PTPRJ: variants seen among roughly 807,000 people sequenced by gnomAD.
PTPRJ encodes protein tyrosine phosphatase receptor type J.
PTPRJ carries 129 observed loss-of-function variants against 141.3 expected under a neutral mutation model. The observed-to-expected ratio is 0.91, with a 90% CI of 0.79 to 1.06. PTPRJ has a LOEUF of 1.06. Among genes scored for constraint, PTPRJ ranks in the 50% least tolerant of loss-of-function variants. The pLI is 0.00. For synonymous variants in PTPRJ, 610 were observed against 640.5 expected, an observed-to-expected ratio of 0.95 and a Z score of 0.72; for missense variants, 1,601 against 1,679.7, an observed-to-expected ratio of 0.95 and a Z score of 0.82.
Position 47,997,874 on chromosome 11 carries a change from A to G in PTPRJ, c.96+16866A>G, listed in dbSNP as rs541182268. On this transcript the variant is annotated intron_variant, in intron 1 of 24. Transcript: ENST00000418331. ...GAGGCCTCAGGGTGTAAAGCGAGAG[A>G]GAGAATGCCTTCCAGCCAGCGAGAG... 1.8e-4 allele frequency among the ~76,000 whole-genome samples: 28 copies of G among 152,126 alleles called. No homozygotes were observed. In the South Asian group the frequency reaches 5.8e-3, roughly 32 times the overall value.
At chr11:48,122,299 G>A (rs1484850757) in intron 4 of PTPRJ, among the ~76,000 whole-genome samples, 3 of 152,170 alleles carry the variant, frequency 2.0e-5, no homozygotes, top group Non-Finnish European at 4.4e-5. Flanking sequence ...ATAGAACTTG[G>A]AAATGGTCAT....
chr11:48,145,081 C>T lies in PTPRJ; in HGVS notation c.2868C>T (p.Ser956=). 6.2e-7 allele frequency: 1 copy of T among 1,614,202 alleles called. No individual in the cohort carries two copies. Among genetic ancestry groups the T allele is most frequent in the Non-Finnish European group, 8.5e-7 (1 of 1,180,026 alleles). Residue 956 remains serine (S), a synonymous_variant, in exon 14 of 25, where the codon TCC becomes TCT. Coordinates refer to ENST00000418331, the MANE Select transcript of PTPRJ (RefSeq NM_002843.4). The stretch of plus-strand genomic sequence containing the variant: ...TTGATGGGGCTGAGAGCTATGTGTC[C>T]TTCAGTCGCTACTCAGATGCTGTTT... The part of the protein sequence containing the change: ...GLIDGAESYV[S]FSRYSDAVSL...
intron 1 of PTPRJ, among the ~76,000 whole-genome samples, chr11:48,021,573 T>G (rs1855125967): frequency 6.6e-6 from 1 of 151,986 alleles, no homozygotes; most frequent in African/African-American, 2.4e-5. Flanking sequence ...GAGAATGGGT[T>G]GTAAAATTTC....
chr11:48,127,271 T>C (rs1354235952), intron 6 of PTPRJ, among the ~76,000 whole-genome samples: 1 of 152,204 alleles, frequency 6.6e-6, no homozygotes, highest in Admixed American at 6.5e-5. Context: ...GGTTATCTTT[T>C]CTTGAGGTTA....
chr11:48,110,463 C>G (rs1213906579), intron 2 of PTPRJ, among the ~76,000 whole-genome samples: 1 of 152,056 alleles, frequency 6.6e-6, no homozygotes, highest in Non-Finnish European at 1.5e-5. Context: ...CCTCCCAAAG[C>G]GCTGGGATTA....
intron 1 of PTPRJ, among the ~76,000 whole-genome samples, chr11:48,059,190 T>C (rs1217851344): frequency 1.4e-5 from 2 of 143,478 alleles, no homozygotes; most frequent in Non-Finnish European, 3.0e-5. Flanking sequence ...TGGCGTGATC[T>C]CAGCTCACTG....
At chr11:48,026,214 C>T (rs1590414517) in intron 1 of PTPRJ, among the ~76,000 whole-genome samples, 1 of 152,276 alleles carries the variant, frequency 6.6e-6, no homozygotes, top group East Asian at 1.9e-4. Flanking sequence ...CTCAGGGCAA[C>T]AGTCAACAGA....
At chr11:48,076,011 C>T (rs1011166085) in intron 1 of PTPRJ, among the ~76,000 whole-genome samples, 1 of 152,160 alleles carries the variant, frequency 6.6e-6, no homozygotes, top group African/African-American at 2.4e-5. Context: ...TTCATGAAGC[C>T]TCTCATGGTC....
At chr11:48,119,344 A>G (rs1463022805) in intron 3 of PTPRJ, among the ~76,000 whole-genome samples, 2 of 152,208 alleles carry the variant, frequency 1.3e-5, no homozygotes, top group Non-Finnish European at 2.9e-5. Flanking sequence ...GTGGGGCACA[A>G]GATGCTTCCC....
chr11:48,055,263 G>A (rs1854723121), intron 1 of PTPRJ, among the ~76,000 whole-genome samples: 1 of 152,146 alleles, frequency 6.6e-6, no homozygotes, highest in South Asian at 2.1e-4. Context: ...ACCCTCCAAA[G>A]TGGCCAGGAC....
chr11:47,985,822 T>C (rs1057446892), intron 1 of PTPRJ, among the ~76,000 whole-genome samples: 3 of 152,160 alleles, frequency 2.0e-5, no homozygotes, highest in Non-Finnish European at 4.4e-5. Context: ...TGCCTCAGCC[T>C]GCTGAGTAGC....
At chr11:48,002,859 C>A (rs1458405623) in intron 1 of PTPRJ, among the ~76,000 whole-genome samples, 1 of 151,510 alleles carries the variant, frequency 6.6e-6, no homozygotes, top group Non-Finnish European at 1.5e-5. Flanking sequence ...CGAGCAGCTT[C>A]AAAATGAGCT....
chr11:48,166,620 C>T (rs1000332933), intron 24 of PTPRJ, among the ~76,000 whole-genome samples: 2 of 152,248 alleles, frequency 1.3e-5, no homozygotes, highest in African/African-American at 2.4e-5. Flanking sequence ...TGGCCAGATC[C>T]TGTTTTATGT....
rs373691770 is a variant in PTPRJ, at chr11:48,138,350, G to A, written c.2152+1069G>A. ...TAGTTATTTGTAGCCTATAGCAAGAGAAAAACTGTATCTGAGCATTTATGA... is the reference window on the plus strand; with the variant it reads ...TAGTTATTTGTAGCCTATAGCAAGAAAAAAACTGTATCTGAGCATTTATGA... On this transcript the variant is annotated intron_variant, in intron 10 of 24. Coordinates refer to ENST00000418331, the MANE Select transcript of PTPRJ (RefSeq NM_002843.4). Among the ~76,000 whole-genome samples the A allele has an allele frequency of 1.8e-4, 27 of 152,276 alleles. No homozygotes were observed. The East Asian group carries it at 2.5e-3, about 14-fold the overall frequency.
rs142435071 is a variant in PTPRJ at position 48,011,111 on chromosome 11, A to G, written c.96+30103A>G. Among the ~76,000 whole-genome samples, 336 of 152,298 alleles carry G rather than the reference A, an allele frequency of 2.2e-3. 1 individual carries two copies. The highest frequency in any genetic ancestry group is 7.8e-3 in the African/African-American group (325 of 41,554). ...CCAGGGCCCCTGGGCAAAGGCAGAG[A>G]TAACATTGGCACAATCTGCCTTTCA... On this transcript the variant is annotated intron_variant, in intron 1 of 24. Transcript: ENST00000418331.
chr11:48,155,177 T>A (rs1565331008), intron 19 of PTPRJ, among the ~76,000 whole-genome samples: 1 of 152,206 alleles, frequency 6.6e-6, no homozygotes, highest in Non-Finnish European at 1.5e-5. Flanking sequence ...CTCCTACTCA[T>A]AGTAGTCTTA....
At chr11:48,152,435 G>T (rs1457144546) in intron 18 of PTPRJ, among the ~76,000 whole-genome samples, 1 of 151,794 alleles carries the variant, frequency 6.6e-6, no homozygotes, top group Non-Finnish European at 1.5e-5. Context: ...TTGCTGTGCA[G>T]AAGCTCTTTA....
chr11:47,981,773 G>T (rs1195257860), intron 1 of PTPRJ, among the ~76,000 whole-genome samples: 1 of 152,176 alleles, frequency 6.6e-6, no homozygotes, highest in Admixed American at 6.5e-5. Context: ...TTCCATAGGG[G>T]CTGAGGCAGA....
chr11:48,164,659 T>C, intron 24 of PTPRJ, 144 bp downstream of exon 24: 1 of 750,312 alleles, frequency 1.3e-6, no homozygotes, highest in Admixed American at 3.7e-5. Context: ...CTCTGCCTCC[T>C]GGGTTCAAGT....
Sources: allele counts gnomAD v4.1 joint callset (sites outside exome capture counted in the v4.1 genomes callset), GRCh38; gene constraint gnomAD v4.1.1; transcripts MANE v1.5; gene names NCBI Gene and HGNC (gene_info 2026-07-23, HGNC 2026-07-21).